C9orf57: variants seen among roughly 807,000 people sequenced by gnomAD.
C9orf57 encodes chromosome 9 open reading frame 57, also known as uncharacterized protein C9orf57.
C9orf57 carries 12 observed loss-of-function variants against 12.9 expected under a neutral mutation model. The observed-to-expected ratio is 0.93, with a 90% CI of 0.60 to 1.51. C9orf57 has a LOEUF of 1.51. Among genes scored for constraint, C9orf57 ranks in the 40% most tolerant of loss-of-function variants. C9orf57 has a pLI of 0.00. For missense variants in C9orf57, 141 were observed against 162.8 expected, an observed-to-expected ratio of 0.87 and a Z score of 0.73; for synonymous variants, 49 against 57.1, an observed-to-expected ratio of 0.86 and a Z score of 0.64.
Position 72,060,539 on chromosome 9 carries a change from G to T in C9orf57, c.-96C>A. The T allele has an allele frequency of 6.5e-7, 1 of 1,548,438 alleles. No homozygotes were observed. The highest frequency in any genetic ancestry group is 1.2e-5 in the South Asian group (1 of 83,884). ...GTACTATGGAAATTTTCCTGGGTCT[G>T]AACTTTCTTAAAAGGATGAGAACGA... On this transcript the variant is annotated 5_prime_UTR_variant, in exon 1 of 5. Transcript: ENST00000651200.
In C9orf57 at chr9:72,056,691, C is replaced by A. The variant is rs1485719160; in HGVS notation, c.157+93G>T. 8.3e-6 allele frequency: 11 copies of A among 1,321,972 alleles called. No individual in the cohort carries two copies. In the Admixed American group the frequency reaches 2.4e-4, roughly 29 times the overall value. 81.9% of individuals were successfully genotyped at this position (1,321,972 alleles called of 1,614,324 possible). Reference sequence around the variant, plus strand: ...TGGTGTAATGTAGCCCTGGCAAAGCCCTTAGTGTAGCATCTGGCATATGAA... The same window carrying A: ...TGGTGTAATGTAGCCCTGGCAAAGCACTTAGTGTAGCATCTGGCATATGAA... On this transcript the variant is annotated intron_variant, in intron 3 of 4. Transcript: ENST00000651200.
At chr9:72,056,480 G>A (rs1204538824) in intron 3 of C9orf57, among the ~76,000 whole-genome samples, 1 of 151,942 alleles carries the variant, frequency 6.6e-6, no homozygotes, top group Non-Finnish European at 1.5e-5. Context: ...TGAGTGGTGT[G>A]AATGAGAAAG....
intron 2 of C9orf57, among the ~76,000 whole-genome samples, chr9:72,057,333 C>A (rs1824227625): frequency 6.6e-6 from 1 of 152,110 alleles, no homozygotes; most frequent in Non-Finnish European, 1.5e-5. Flanking sequence ...TCAAGCGATT[C>A]TCCTGCCTCA....
chr9:72,054,516 A>G (rs1480317104), intron 4 of C9orf57, among the ~76,000 whole-genome samples: 1 of 152,092 alleles, frequency 6.6e-6, no homozygotes. Flanking sequence ...GAGCGTTCCC[A>G]TTTCCCCATA....
At chr9:72,056,896 T>C (rs1824216042) in intron 2 of C9orf57, 53 bp from the exon 3 acceptor site, 4 of 1,400,564 alleles carry the variant, frequency 2.9e-6, no homozygotes, top group Non-Finnish European at 2.9e-6. Flanking sequence ...TGCAAATGTA[T>C]ACATATATAT....
chr9:72,054,914 ATTTTTTTTT>A (rs71353558), intron 4 of C9orf57, among the ~76,000 whole-genome samples: 1 of 96,518 alleles, frequency 1.0e-5, no homozygotes, highest in South Asian at 3.6e-4. Context: ...GGGGTTTGGG[ATTTTTTTTT>A]TTTTTTTTTT....
At chr9:72,058,168 C>A (rs904008784) in intron 2 of C9orf57, among the ~76,000 whole-genome samples, 19 of 151,186 alleles carry the variant, frequency 1.3e-4, no homozygotes, top group Middle Eastern at 3.4e-3. Flanking sequence ...AGGGATCTTT[C>A]TTTTTTTTTA....
chr9:72,059,351 A>G lies in C9orf57; in HGVS notation c.-20T>C, dbSNP rs759231051. 2.6e-6 allele frequency: 4 copies of G among 1,551,618 alleles called. No individual in the cohort carries two copies. The South Asian group carries it at 4.8e-5, about 18-fold the overall frequency. On this transcript the variant is annotated 5_prime_UTR_variant, in exon 2 of 5. Transcript: ENST00000651200. ...TCTCATTCTGATTTCCAAGCCGAAA[A>G]GGAGATGAAAGGAAAGACACGTCCC...
chr9:72,057,905 T>G (rs139027479), intron 2 of C9orf57, among the ~76,000 whole-genome samples: 420 of 152,314 alleles, frequency 2.8e-3, no homozygotes, highest in African/African-American at 9.9e-3. Flanking sequence ...CAGAGATTCT[T>G]GAACTGGTCA....
At chr9:72,060,150 G>T (rs937203476) in intron 1 of C9orf57, among the ~76,000 whole-genome samples, 1 of 152,090 alleles carries the variant, frequency 6.6e-6, no homozygotes, top group Non-Finnish European at 1.5e-5. Flanking sequence ...CGGTTCAAGC[G>T]ATTTTCCTGC....
rs1824280897 is a variant in C9orf57 at position 72,059,377 on chromosome 9, A to G, written c.-46T>C. 1 of 1,551,830 alleles carries G rather than the reference A, an allele frequency of 6.4e-7. No individual in the cohort carries two copies. The highest frequency in any genetic ancestry group is 8.7e-7 in the Non-Finnish European group (1 of 1,147,020). On this transcript the variant is annotated 5_prime_UTR_variant, in exon 2 of 5. Coordinates refer to ENST00000651200, the MANE Select transcript of C9orf57 (RefSeq NM_001128618.2). ...GGAGATGAAAGGAAAGACACGTCCCACTGATTTCTGGGGAAGCAATAAAGT... is the reference window on the plus strand; with the variant it reads ...GGAGATGAAAGGAAAGACACGTCCCGCTGATTTCTGGGGAAGCAATAAAGT...
Position 72,056,863 on chromosome 9 carries a change from G to A in C9orf57, c.98-20C>T. 7.1e-6 allele frequency: 11 copies of A among 1,547,440 alleles called. No individual in the cohort carries two copies. Among genetic ancestry groups the A allele is most frequent in the Non-Finnish European group, 9.6e-6 (11 of 1,143,254 alleles). On this transcript the variant is annotated intron_variant, in intron 2 of 4. Coordinates refer to ENST00000651200, the MANE Select transcript of C9orf57 (RefSeq NM_001128618.2). The stretch of plus-strand genomic sequence containing the variant: ...CCAGGTCTAAAAGACATCCATGGAA[G>A]GGGATTGAAAGATTGCATGCTCTGC...
chr9:72,060,001 C>T (rs1198860567), intron 1 of C9orf57, among the ~76,000 whole-genome samples: 5 of 151,908 alleles, frequency 3.3e-5, no homozygotes, highest in Non-Finnish European at 7.4e-5. Flanking sequence ...TAACTATTGG[C>T]CAAAAGGAAA....
chr9:72,051,457 A>T lies in C9orf57; in HGVS notation c.*839T>A, dbSNP rs1824079615. On this transcript the variant is annotated 3_prime_UTR_variant, in exon 5 of 5. Coordinates refer to ENST00000651200, the MANE Select transcript of C9orf57 (RefSeq NM_001128618.2). Reference sequence around the variant, plus strand: ...AAAGACAGTTTTAAATTAAATTTTAAATTAAATTAAATTAATGCAGTACTC... The same window carrying T: ...AAAGACAGTTTTAAATTAAATTTTATATTAAATTAAATTAATGCAGTACTC... The T allele has an allele frequency of 6.6e-6, 1 of 152,208 alleles. No homozygotes were observed. The highest frequency in any genetic ancestry group is 1.5e-5 in the Non-Finnish European group (1 of 68,038). 9.4% of individuals were successfully genotyped at this position (152,208 alleles called of 1,614,324 possible).
At chr9:72,052,516 T>C in intron 4 of C9orf57, 81 bp from the exon 5 acceptor site, 1 of 1,341,680 alleles carries the variant, frequency 7.5e-7, no homozygotes, top group Non-Finnish European at 1.0e-6. Flanking sequence ...TTAAAAAGAA[T>C]ACTAAGCAAA....
At chr9:72,060,420 A>T in intron 1 of C9orf57, 77 bp downstream of exon 1, 1 of 763,008 alleles carries the variant, frequency 1.3e-6, no homozygotes. Flanking sequence ...AGTTAACGAT[A>T]GTTAATACTT....
Position 72,059,294 on chromosome 9 carries a change from C to T in C9orf57, c.38G>A (p.Arg13His), listed in dbSNP as rs370780650. ...RIVFAGVILFRLLGVILFRLL... is the reference protein window; with the variant it reads ...RIVFAGVILFHLLGVILFRLL... ...GCGGAATAAGATAACACCTAAGAGGCGGAATAAGATAACACCAGCAAAAAC... is the reference window on the plus strand; with the variant it reads ...GCGGAATAAGATAACACCTAAGAGGTGGAATAAGATAACACCAGCAAAAAC... The change falls in exon 2 of 5, where the codon CGC becomes CAC. Residue 13 changes from arginine to histidine, a missense_variant. By Grantham distance (29) the Arg-to-His change is conservative (BLOSUM62 0). Coordinates refer to ENST00000651200, the MANE Select transcript of C9orf57 (RefSeq NM_001128618.2). The T allele has an allele frequency of 1.2e-4, 186 of 1,551,444 alleles. No homozygotes were observed. Among genetic ancestry groups the T allele is most frequent in the Non-Finnish European group, 1.6e-4 (181 of 1,146,920 alleles).
rs750690425 is a variant in C9orf57 at position 72,052,442 on chromosome 9, G to A, written c.281-7C>T. 3 of 1,551,054 alleles carry A rather than the reference G, an allele frequency of 1.9e-6. No homozygotes were observed. Among genetic ancestry groups the A allele is most frequent in the Non-Finnish European group, 2.6e-6 (3 of 1,146,584 alleles). ...GAATACCATTGAATGCCACCTGACG[G>A]AGAGAAAAGAGGTAAGGAAATTTCT... is the stretch of plus-strand genomic sequence containing the variant. On this transcript the variant is annotated splice_polypyrimidine_tract_variant and splice_region_variant and intron_variant, in intron 4 of 4. Transcript: ENST00000651200.
chr9:72,056,194 C>T lies in C9orf57; in HGVS notation c.160G>A (p.Val54Ile). The part of the protein sequence containing the change: ...YWKEEVHIQD[V>I]GGLICRACNL... The stretch of plus-strand genomic sequence containing the variant: ...CATGCTCTGCAAATCAAACCTCCAA[C>T]ATCTCCAAGTACAGGGGCAGAAAAA... Residue 54 changes from valine (V) to isoleucine (I), a missense_variant and splice_region_variant, in exon 4 of 5, where the codon GTT becomes ATT. Transcript: ENST00000651200. The T allele has an allele frequency of 6.5e-7, 1 of 1,548,720 alleles. No individual in the cohort carries two copies. Among genetic ancestry groups the T allele is most frequent in the Non-Finnish European group, 8.7e-7 (1 of 1,145,390 alleles).
Sources: gnomAD v4.1 joint callset for allele counts (sites outside exome capture counted in the v4.1 genomes callset) on GRCh38, gnomAD v4.1.1 for gene constraint, MANE v1.5 for transcripts, NCBI Gene and HGNC (gene_info 2026-07-23, HGNC 2026-07-21) for gene names.